Variants in DIAPH3 observed in about 807,000 individuals in gnomAD.
DIAPH3 encodes the protein protein diaphanous homolog 3.
A neutral mutation model predicts 144.3 loss-of-function variants in DIAPH3; 117 were observed. The ratio of observed to expected loss-of-function variants is 0.81; its 90% confidence interval spans 0.70 to 0.95. DIAPH3 has a LOEUF of 0.95. Among genes scored for constraint, DIAPH3 ranks in the 40% least tolerant of loss-of-function variants. The pLI, the probability that DIAPH3 is intolerant of heterozygous loss-of-function variation, is 0.00. For missense variants in DIAPH3, 1,421 were observed against 1,412.7 expected (o/e 1.01, Z -0.09); for synonymous variants, 519 against 488.9 (o/e 1.06, Z -0.81).
intron 27 of DIAPH3, among the ~76,000 whole-genome samples, chr13:59,740,824 G>C (rs550543042): frequency 1.3e-5 from 2 of 152,204 alleles, no homozygotes; most frequent in African/African-American, 4.8e-5. Context: ...AAGGAATAGA[G>C]GTCAGGAAAT....
intron 9 of DIAPH3, among the ~76,000 whole-genome samples, chr13:60,002,192 C>T (rs2052563904): frequency 1.3e-5 from 2 of 152,170 alleles, no homozygotes; most frequent in Admixed American, 1.3e-4. Flanking sequence ...ATTTGTTCAG[C>T]TGACTAGATC....
chr13:60,153,948 A>T (rs1381869905), intron 1 of DIAPH3, among the ~76,000 whole-genome samples: 13 of 152,116 alleles, frequency 8.5e-5, no homozygotes, highest in Non-Finnish European at 1.9e-4. Flanking sequence ...CCCACTTTAG[A>T]CATAAAGAAC....
At chr13:59,927,989 A>T (rs940976501) in intron 17 of DIAPH3, among the ~76,000 whole-genome samples, 1 of 152,092 alleles carries the variant, frequency 6.6e-6, no homozygotes, top group South Asian at 2.1e-4. Context: ...GCCTTTTCCC[A>T]TCTCTTCTCC....
At chr13:59,956,334 T>C (rs962842524) in intron 17 of DIAPH3, among the ~76,000 whole-genome samples, 2 of 152,104 alleles carry the variant, frequency 1.3e-5, no homozygotes, top group African/African-American at 4.8e-5. Context: ...CCTTGCTGCT[T>C]TATGCAGTCT....
chr13:60,049,901 CT>C (rs2141239383), intron 4 of DIAPH3, among the ~76,000 whole-genome samples: 1 of 152,294 alleles, frequency 6.6e-6, no homozygotes, highest in African/African-American at 2.4e-5. Flanking sequence ...GAAAATAACG[CT>C]TGTGCGGCTA....
Position 59,861,462 on chromosome 13 carries a change from G to T in DIAPH3, c.2682C>A (p.Tyr894Ter). 6.2e-7 allele frequency: 1 copy of T among 1,613,676 alleles called. No individual in the cohort carries two copies. The highest frequency in any genetic ancestry group is 8.5e-7 in the Non-Finnish European group (1 of 1,179,878). ...CATCCACAAAATTCAGTATATCAGG[G>T]TACTTCTCTTCACATATTTCTACCA... Reference protein sequence around the residue: ...HFLVEICEEKYPDILNFVDDL... With the variant: ...HFLVEICEEK The change falls in exon 22 of 28, where the codon TAC (tyrosine) becomes TAA (stop). Residue 894 changes from tyrosine (Y) to a stop codon, truncating the protein, a stop_gained. Transcript: ENST00000400324. LOFTEE classifies it high-confidence loss of function.
intron 9 of DIAPH3, among the ~76,000 whole-genome samples, chr13:59,993,704 A>AAAAAAAAAAAAAG: frequency 1.4e-5 from 2 of 145,364 alleles, no homozygotes; most frequent in Non-Finnish European, 1.5e-5. Context: ...AACATACTTA[A>AAAAAAAAAAAAAG]AAAAAAAAAA....
chr13:59,983,138 T>C (rs34844720), intron 13 of DIAPH3, among the ~76,000 whole-genome samples: 3 of 53,490 alleles, frequency 5.6e-5, no homozygotes, highest in Admixed American at 3.4e-4. Flanking sequence ...TGCTTTATCT[T>C]TAAAAAAAAA....
At chr13:59,947,205 G>A (rs1430048616) in intron 17 of DIAPH3, among the ~76,000 whole-genome samples, 1 of 152,144 alleles carries the variant, frequency 6.6e-6, no homozygotes, top group Admixed American at 6.5e-5. Flanking sequence ...GACAACAGCT[G>A]GACAGGCAGA....
intron 27 of DIAPH3, among the ~76,000 whole-genome samples, chr13:59,735,742 AG>A (rs1471099226): frequency 6.6e-6 from 1 of 152,122 alleles, no homozygotes; most frequent in Non-Finnish European, 1.5e-5. Flanking sequence ...ATTTGAATTC[AG>A]TTCTGCCTAA....
At chr13:59,720,583 T>A (rs915931871) in intron 27 of DIAPH3, among the ~76,000 whole-genome samples, 1 of 152,110 alleles carries the variant, frequency 6.6e-6, no homozygotes, top group Admixed American at 6.6e-5. Context: ...GAACATCCAG[T>A]CAGTATTCTG....
In DIAPH3 at chr13:60,103,675, T is replaced by C. The variant is rs1213053806; in HGVS notation, c.390+8335A>G. On this transcript the variant is annotated intron_variant, in intron 3 of 27. Transcript: ENST00000400324. ...ATTTCAATAACATTATGTTTTGTTTTAGGGGTTAAAGCCAACATAATTATT... is the reference window on the plus strand; with the variant it reads ...ATTTCAATAACATTATGTTTTGTTTCAGGGGTTAAAGCCAACATAATTATT... Among the ~76,000 whole-genome samples, 4 of 152,232 alleles carry C rather than the reference T, an allele frequency of 2.6e-5. No homozygotes were observed. In the East Asian group the frequency reaches 7.7e-4, roughly 29 times the overall value.
chr13:59,959,634 GGAA>G (rs1037013263), intron 17 of DIAPH3, among the ~76,000 whole-genome samples: 46 of 152,290 alleles, frequency 3.0e-4, no homozygotes, highest in African/African-American at 1.1e-3. Context: ...TGATGATACA[GGAA>G]GGAGGCCACA....
In DIAPH3 at chr13:60,132,993, C is replaced by T; in HGVS notation, c.181-4G>A. On this transcript the variant is annotated splice_polypyrimidine_tract_variant and splice_region_variant and intron_variant, in intron 1 of 27. Transcript: ENST00000400324. ...TCAGTGTCCTAATATTTAAATGCTGCAAATTAAAAAAAAGCAATCATATTA... is the reference window on the plus strand; with the variant it reads ...TCAGTGTCCTAATATTTAAATGCTGTAAATTAAAAAAAAGCAATCATATTA... 1.9e-6 allele frequency: 3 copies of T among 1,599,202 alleles called. No homozygotes were observed. Among genetic ancestry groups the T allele is most frequent in the Non-Finnish European group, 2.6e-6 (3 of 1,169,528 alleles).
chr13:60,150,720 C>T lies in DIAPH3; in HGVS notation c.180+12867G>A, dbSNP rs1008428968. Among the ~76,000 whole-genome samples, 7 of 152,332 alleles carry T rather than the reference C, an allele frequency of 4.6e-5. No homozygotes were observed. The South Asian group carries it at 1.5e-3, about 32-fold the overall frequency. On this transcript the variant is annotated intron_variant, in intron 1 of 27. Coordinates refer to ENST00000400324, the MANE Select transcript of DIAPH3 (RefSeq NM_001042517.2). Reference sequence around the variant, plus strand: ...AGTGGTTTCCACCAGGATGCAGGAACCCAGTTCAGCCACAGAAGCCTGCCA... The same window carrying T: ...AGTGGTTTCCACCAGGATGCAGGAATCCAGTTCAGCCACAGAAGCCTGCCA...
chr13:59,966,860 C>A (rs1252321817), intron 17 of DIAPH3, among the ~76,000 whole-genome samples: 1 of 152,104 alleles, frequency 6.6e-6, no homozygotes, highest in Non-Finnish European at 1.5e-5. Context: ...CAGAGATACA[C>A]CATTTCTCTA....
At chr13:60,053,256 A>T (rs1212581775) in intron 4 of DIAPH3, among the ~76,000 whole-genome samples, 1 of 152,088 alleles carries the variant, frequency 6.6e-6, no homozygotes, top group Non-Finnish European at 1.5e-5. Flanking sequence ...TCACGGCTGC[A>T]TATCTTTAAG....
intron 12 of DIAPH3, among the ~76,000 whole-genome samples, chr13:59,987,098 G>A (rs1225737074): frequency 3.3e-5 from 5 of 151,930 alleles, no homozygotes; most frequent in African/African-American, 7.3e-5. Flanking sequence ...ATGATAGACT[G>A]GATTAAGAAA....
At chr13:59,675,480 G>T (rs1381163077) in intron 27 of DIAPH3, among the ~76,000 whole-genome samples, 1 of 151,822 alleles carries the variant, frequency 6.6e-6, no homozygotes, top group African/African-American at 2.4e-5. Flanking sequence ...CGCCTCCCGG[G>T]TTCATGCCAT....
Sources: gnomAD v4.1 joint callset for allele counts (sites outside exome capture counted in the v4.1 genomes callset) on GRCh38, gnomAD v4.1.1 for gene constraint, MANE v1.5 for transcripts, NCBI Gene and HGNC (gene_info 2026-07-23, HGNC 2026-07-21) for gene names.